PAX7: variants seen among roughly 807,000 people sequenced by gnomAD.
PAX7 encodes the protein paired box protein Pax-7.
Under a neutral mutation model 50.7 loss-of-function variants are expected in PAX7, and 18 were observed. That is an observed-to-expected ratio of 0.36 (90% CI 0.25 to 0.53). PAX7 has a LOEUF of 0.53. Ranked by LOEUF, PAX7 falls within the 20% of genes least tolerant of loss-of-function variation. PAX7 has a pLI of 0.93. For missense variants in PAX7, 644 were observed against 702.9 expected (o/e 0.92, Z 0.95); for synonymous variants, 310 against 290.4 (o/e 1.07, Z -0.69).
intron 5 of PAX7, among the ~76,000 whole-genome samples, chr1:18,693,836 G>C (rs1384654184): frequency 6.6e-6 from 1 of 152,208 alleles, no homozygotes; most frequent in Non-Finnish European, 1.5e-5. Context: ...AAGCCTGACT[G>C]CTCCTTGTAA....
chr1:18,740,127 G>A (rs1032988877), intron 8 of PAX7, among the ~76,000 whole-genome samples: 23 of 152,152 alleles, frequency 1.5e-4, no homozygotes, highest in East Asian at 3.8e-4. Context: ...GGGGAGATGC[G>A]GAGAGACAGA....
At chr1:18,648,340 C>CTTT (rs531869233) in intron 4 of PAX7, among the ~76,000 whole-genome samples, 1,947 of 119,660 alleles carry the variant, frequency 0.016, 66 homozygotes, top group African/African-American at 0.059. Context: ...TTATTTTTGT[C>CTTT]TTTTTTTTTT....
In PAX7 at chr1:18,648,340, C is replaced by CTT. The variant is rs531869233; in HGVS notation, c.586+11987_586+11988dup. On this transcript the variant is annotated intron_variant, in intron 4 of 8. Transcript: ENST00000420770. Reference sequence around the variant, plus strand: ...ATTCACTCTACTACTTTATTTTTGTCTTTTTTTTTTTTTTTTTTTGAGACT... The same window carrying CTT: ...ATTCACTCTACTACTTTATTTTTGTCTTTTTTTTTTTTTTTTTTTTTGAGACT... Among the ~76,000 whole-genome samples, 729 of 119,700 alleles carry CTT rather than the reference C, an allele frequency of 6.1e-3. 6 individuals carry two copies. The highest frequency in any genetic ancestry group is 0.018 in the South Asian group (67 of 3,706). 78.5% of individuals were successfully genotyped at this position (119,700 alleles called of 152,430 possible).
At chr1:18,689,791 T>A (rs1333301079) in intron 4 of PAX7, among the ~76,000 whole-genome samples, 1 of 152,254 alleles carries the variant, frequency 6.6e-6, no homozygotes, top group Non-Finnish European at 1.5e-5. Context: ...GGCGTTTGCA[T>A]GTGCTCTCCT....
At chr1:18,661,022 C>T (rs975604947) in intron 4 of PAX7, among the ~76,000 whole-genome samples, 5 of 152,060 alleles carry the variant, frequency 3.3e-5, no homozygotes, top group Admixed American at 2.6e-4. Context: ...AAAGCACACA[C>T]GCATGCTAGA....
chr1:18,744,429 AGGATGGATGGATGGATGGAT>A (rs375857866), intron 8 of PAX7, among the ~76,000 whole-genome samples: 2 of 60,474 alleles, frequency 3.3e-5, no homozygotes, highest in Admixed American at 1.4e-4. Flanking sequence ...GATAGATGGA[AGGATGGATGGATGGATGGAT>A]GGATGGATGG....
Position 18,636,215 on chromosome 1 carries a change from C to G in PAX7, c.452-22C>G, listed in dbSNP as rs1323259127. On this transcript the variant is annotated intron_variant, in intron 3 of 8. Transcript: ENST00000420770. This position sits in a 1 kb window ranked among gnomAD's most constrained non-coding sequence, Gnocchi z 5.1. ...TCTGCTCCAACAACTTATACTTGCT[C>G]TTTTGCCTTTGAATTTCTGAGGTTT... is the stretch of plus-strand genomic sequence containing the variant. 5 of 1,612,888 alleles carry G rather than the reference C, an allele frequency of 3.1e-6. No homozygotes were observed. The East Asian group carries it at 8.9e-5, about 29-fold the overall frequency.
chr1:18,656,730 C>T (rs1175346829), intron 4 of PAX7, among the ~76,000 whole-genome samples: 2 of 151,992 alleles, frequency 1.3e-5, no homozygotes, highest in Non-Finnish European at 1.5e-5. Flanking sequence ...CGTGGTGGCT[C>T]ATGCCTGTAA....
chr1:18,701,027 A>G (rs769820074), intron 6 of PAX7, among the ~76,000 whole-genome samples: 9 of 152,068 alleles, frequency 5.9e-5, no homozygotes, highest in Non-Finnish European at 1.2e-4. Flanking sequence ...GCCCCTGTGC[A>G]CCTGTTTAGA....
At chr1:18,650,743 C>T (rs187001746) in intron 4 of PAX7, among the ~76,000 whole-genome samples, 15 of 152,090 alleles carry the variant, frequency 9.9e-5, no homozygotes, top group African/African-American at 2.7e-4. Context: ...GCATAGCAAA[C>T]GGAGAGGAGT....
In PAX7 at chr1:18,703,253, C is replaced by T. The variant is rs1203749207; in HGVS notation, c.1112C>T (p.Pro371Leu). 1.2e-6 allele frequency: 2 copies of T among 1,614,182 alleles called. No individual in the cohort carries two copies. The highest frequency in any genetic ancestry group is 1.3e-5 in the African/African-American group (1 of 75,066). ...YSDSFMNPAA[P>L]SNHMNPVSNG... ...GACAGCTTCATGAATCCGGCGGCGC[C>T]CTCCAACCACATGAACCCGGTCAGC... Residue 371 changes from proline to leucine, a missense_variant, in exon 7 of 9, where the codon CCC becomes CTC. By Grantham distance (98) the Pro-to-Leu change is moderately conservative. Coordinates refer to ENST00000420770, the MANE Select transcript of PAX7 (RefSeq NM_001135254.2).
rs376767191 is a variant in PAX7, at chr1:18,712,853, G to A, written c.1155+9557G>A. ...TCCCAGCACTTTGGGAGGCTGAGGC[G>A]GGCGGATCGCTTGAGGTCAGGAGAC... On this transcript the variant is annotated intron_variant, in intron 7 of 8. Transcript: ENST00000420770. 7.2e-5 allele frequency among the ~76,000 whole-genome samples: 11 copies of A among 152,262 alleles called. No homozygotes were observed. In the East Asian group the frequency reaches 7.7e-4, roughly 11 times the overall value.
At chr1:18,739,127 C>A (rs1930979382) in intron 8 of PAX7, among the ~76,000 whole-genome samples, 1 of 152,210 alleles carries the variant, frequency 6.6e-6, no homozygotes, top group Admixed American at 6.5e-5. Context: ...ATGCATGCTC[C>A]TCATTCATGT....
chr1:18,746,209 T>G lies in PAX7; in HGVS notation c.*1280T>G, dbSNP rs914682808. 6 of 231,476 alleles carry G rather than the reference T, an allele frequency of 2.6e-5. No homozygotes were observed. Among genetic ancestry groups the G allele is most frequent in the African/African-American group, 4.4e-5 (2 of 45,254 alleles). 14.3% of individuals were successfully genotyped at this position (231,476 alleles called of 1,614,324 possible). On this transcript the variant is annotated 3_prime_UTR_variant, in exon 9 of 9. Transcript: ENST00000420770. ...TTGCTGTCCTGCTCAGAGTGGCATC[T>G]TTCAATGTTGCCTCCATCTTGGCCA...
Position 18,715,215 on chromosome 1 carries a change from T to A in PAX7, c.1155+11919T>A, listed in dbSNP as rs996360378. On this transcript the variant is annotated intron_variant, in intron 7 of 8. Transcript: ENST00000420770. Reference sequence around the variant, plus strand: ...CTCAAGCCCACCCGTACTTCTTTTTTAAGACTTGGCTCCCTTCCATGAAGC... The same window carrying A: ...CTCAAGCCCACCCGTACTTCTTTTTAAAGACTTGGCTCCCTTCCATGAAGC... Among the ~76,000 whole-genome samples, 12 of 152,232 alleles carry A rather than the reference T, an allele frequency of 7.9e-5. 1 individual carries two copies. The South Asian group carries it at 8.3e-4, about 10-fold the overall frequency.
intron 4 of PAX7, among the ~76,000 whole-genome samples, chr1:18,655,820 T>C (rs992615388): frequency 6.7e-6 from 1 of 148,600 alleles, no homozygotes; most frequent in Admixed American, 6.7e-5. Flanking sequence ...TCTGGGAGTG[T>C]GTGCTCCAAA....
intron 8 of PAX7, among the ~76,000 whole-genome samples, chr1:18,738,390 C>A (rs530746047): frequency 6.6e-6 from 1 of 152,086 alleles, no homozygotes; most frequent in African/African-American, 2.4e-5. Flanking sequence ...GCTCCAGGGG[C>A]GCCTGCTCAA....
intron 7 of PAX7, among the ~76,000 whole-genome samples, chr1:18,703,725 G>C (rs772003014): frequency 2.0e-5 from 3 of 152,190 alleles, no homozygotes; most frequent in Non-Finnish European, 4.4e-5. Context: ...TGATAATGCC[G>C]GAAGTCCCAA....
intron 7 of PAX7, among the ~76,000 whole-genome samples, chr1:18,715,624 A>G (rs578255068): frequency 6.6e-6 from 1 of 152,284 alleles, no homozygotes; most frequent in South Asian, 2.1e-4. Flanking sequence ...GCTTGGGCTC[A>G]ATCCCCAGCA....
Sources: gnomAD v4.1 joint callset for allele counts (sites outside exome capture counted in the v4.1 genomes callset) on GRCh38, gnomAD v4.1.1 for gene constraint, Gnocchi (gnomAD v3.1) non-coding constraint, MANE v1.5 for transcripts, NCBI Gene and HGNC (gene_info 2026-07-23, HGNC 2026-07-21) for gene names.